The following ARHGEF10L variants were observed in gnomAD, a reference collection of about 807,000 sequenced individuals.
ARHGEF10L encodes the protein Rho guanine nucleotide exchange factor 10 like.
Under a neutral mutation model 141.2 loss-of-function variants are expected in ARHGEF10L, and 69 were observed. That is an observed-to-expected ratio of 0.49 (90% CI 0.40 to 0.60). The LOEUF is 0.60. Among genes scored for constraint, ARHGEF10L ranks in the 20% least tolerant of loss-of-function variants. The probability of loss-of-function intolerance (pLI) is 0.00; values close to 1 mark genes in which losing one functional copy is unlikely to be tolerated. For synonymous variants in ARHGEF10L, 711 were observed against 718.5 expected, an observed-to-expected ratio of 0.99 and a Z score of 0.17; for missense variants, 1,482 against 1,734.3, an observed-to-expected ratio of 0.85 and a Z score of 2.58.
At chr1:17,518,838 AAAGAAG>A in the ARHGEF10L span, among the ~76,000 whole-genome samples, 1 of 112,146 alleles carries the variant, frequency 8.9e-6, no homozygotes, top group Non-Finnish European at 1.9e-5. Flanking sequence ...AAGAAAGAAA[AAAGAAG>A]AAGAACTCAG....
Position 17,656,248 on chromosome 1 carries a change from C to G in ARHGEF10L, c.2705+146C>G. On this transcript the variant is annotated intron_variant, in intron 24 of 28. Transcript: ENST00000361221. This position sits in a 1 kb window ranked among gnomAD's most constrained non-coding sequence, Gnocchi z 4.9. ...CAGGAAGGTGGGCACCAGAGCTGCC[C>G]AGTGTGGGAGCCAAAGTGTCGGGAG... is the stretch of plus-strand genomic sequence containing the variant. 1 of 1,058,674 alleles carries G rather than the reference C, an allele frequency of 9.4e-7. No individual in the cohort carries two copies. Among genetic ancestry groups the G allele is most frequent in the Admixed American group, 2.4e-5 (1 of 41,192 alleles). 65.6% of individuals were successfully genotyped at this position (1,058,674 alleles called of 1,614,324 possible).
At chr1:17,594,634 C>T (rs1283342538) in intron 4 of ARHGEF10L, among the ~76,000 whole-genome samples, 1 of 152,196 alleles carries the variant, frequency 6.6e-6, no homozygotes, top group Non-Finnish European at 1.5e-5. Context: ...AGGCACCCGC[C>T]ACCATGCCCG....
the ARHGEF10L span, among the ~76,000 whole-genome samples, chr1:17,529,360 G>A: frequency 1.3e-5 from 2 of 152,196 alleles, no homozygotes; most frequent in African/African-American, 4.8e-5. Context: ...TGTATCCATG[G>A]GTTGTTCTGG....
intron 26 of ARHGEF10L, among the ~76,000 whole-genome samples, chr1:17,675,833 T>TAC: frequency 6.7e-6 from 1 of 149,114 alleles, no homozygotes; most frequent in Non-Finnish European, 1.5e-5. Context: ...GGTACAGGTG[T>TAC]GTGTTCAGGT....
rs577767113 is a variant in ARHGEF10L, at chr1:17,655,385, C to T, written c.2482-494C>T. ...TTATCTGTCCATCCATCCACCCACC[C>T]ACCCATCCATTCATTCACCGATACA... is the stretch of plus-strand genomic sequence containing the variant. On this transcript the variant is annotated intron_variant, in intron 23 of 28. Transcript: ENST00000361221. Among the ~76,000 whole-genome samples the T allele has an allele frequency of 2.0e-5, 3 of 152,148 alleles. No homozygotes were observed. The East Asian group carries it at 5.8e-4, about 29-fold the overall frequency.
intron 2 of ARHGEF10L, among the ~76,000 whole-genome samples, chr1:17,584,213 T>C (rs2078834837): frequency 6.6e-6 from 1 of 151,914 alleles, no homozygotes; most frequent in Non-Finnish European, 1.5e-5. Flanking sequence ...CCTGGCTAAT[T>C]TTCTCATTTT....
rs150336037 is a variant in ARHGEF10L, at chr1:17,593,266, C to T, written c.257+4787C>T. ...ACAATACTAACAGCCTACACGTGCA[C>T]GGACTTTACAGTTTACATCTCATTT... On this transcript the variant is annotated intron_variant, in intron 4 of 28. Transcript: ENST00000361221. Among the ~76,000 whole-genome samples, 35 of 152,310 alleles carry T rather than the reference C, an allele frequency of 2.3e-4. No individual in the cohort carries two copies. The East Asian group carries it at 5.0e-3, about 22-fold the overall frequency.
rs552645850 is a variant in ARHGEF10L, at chr1:17,603,258, G to C, written c.350-250G>C. On this transcript the variant is annotated intron_variant, in intron 5 of 28. Coordinates refer to ENST00000361221, the MANE Select transcript of ARHGEF10L (RefSeq NM_018125.4). This position sits in a 1 kb window ranked among gnomAD's most constrained non-coding sequence, Gnocchi z 4.8. ...GTCCATTAGCCAGATGGGCAGGCCT[G>C]CGGGCAGCAGGGAGCCAGGTGGGGT... Among the ~76,000 whole-genome samples the C allele has an allele frequency of 6.7e-6, 1 of 149,204 alleles. No homozygotes were observed. Among genetic ancestry groups the C allele is most frequent in the South Asian group, 2.1e-4 (1 of 4,722 alleles).
At chr1:17,670,713 C>T (rs2063268245) in intron 26 of ARHGEF10L, among the ~76,000 whole-genome samples, 1 of 152,216 alleles carries the variant, frequency 6.6e-6, no homozygotes, top group Admixed American at 6.5e-5. Flanking sequence ...GCTATGAATA[C>T]ACATTATGCT....
At chr1:17,540,450 G>T (rs896285764) in intron 1 of ARHGEF10L, among the ~76,000 whole-genome samples, 1 of 152,136 alleles carries the variant, frequency 6.6e-6, no homozygotes, top group Non-Finnish European at 1.5e-5. Flanking sequence ...GAGACTGTGG[G>T]AGGAGAGGAT....
chr1:17,688,974 C>A (rs1049630346), intron 27 of ARHGEF10L, among the ~76,000 whole-genome samples: 5 of 152,134 alleles, frequency 3.3e-5, no homozygotes, highest in African/African-American at 1.2e-4. Flanking sequence ...GCCACCCTGC[C>A]CGGGCCTGAG....
At chr1:17,684,287 CAT>C (rs1415860069) in intron 26 of ARHGEF10L, among the ~76,000 whole-genome samples, 2 of 152,326 alleles carry the variant, frequency 1.3e-5, no homozygotes, top group African/African-American at 4.8e-5. Context: ...AATCATTCTG[CAT>C]GTTTCCTTGA....
rs993663146 is a variant in ARHGEF10L at position 17,573,126 on chromosome 1, C to T, written c.-43-7427C>T. Reference sequence around the variant, plus strand: ...CCTCCCTTTCCCTGCCTGCCTCATCCTCCTGGGGGGCTTTGGGTAGGTCCC... The same window carrying T: ...CCTCCCTTTCCCTGCCTGCCTCATCTTCCTGGGGGGCTTTGGGTAGGTCCC... On this transcript the variant is annotated intron_variant, in intron 1 of 28. Coordinates refer to ENST00000361221, the MANE Select transcript of ARHGEF10L (RefSeq NM_018125.4). The surrounding 1 kb of genome is among the most constrained non-coding windows in gnomAD (Gnocchi z 4.8). 2.6e-4 allele frequency among the ~76,000 whole-genome samples: 39 copies of T among 152,300 alleles called. No individual in the cohort carries two copies. The highest frequency in any genetic ancestry group is 7.9e-4 in the African/African-American group (33 of 41,564).
intron 17 of ARHGEF10L, 76 bp from the exon 18 acceptor site, chr1:17,634,759 G>A (rs1272280379): frequency 2.0e-6 from 3 of 1,495,320 alleles, no homozygotes; most frequent in African/African-American, 1.4e-5. Flanking sequence ...CTGGTGTGGA[G>A]GAGCAATGCC....
At position 17,687,844 on chromosome 1, in the gene ARHGEF10L, A is replaced by G. The variant is rs1305751965; in HGVS notation, c.3184+97A>G. ...TGGGCAGCCCATCCCATTTTCCCTC[A>G]TCAGCCCTGAAAACTGGGGCTTTAA... is the stretch of plus-strand genomic sequence containing the variant. On this transcript the variant is annotated intron_variant, in intron 27 of 28. Coordinates refer to ENST00000361221, the MANE Select transcript of ARHGEF10L (RefSeq NM_018125.4). 2.5e-5 allele frequency: 33 copies of G among 1,319,276 alleles called. No individual in the cohort carries two copies. The East Asian group carries it at 7.1e-4, about 29-fold the overall frequency. 81.7% of individuals were successfully genotyped at this position (1,319,276 alleles called of 1,614,324 possible).
chr1:17,656,201 A>T lies in ARHGEF10L; in HGVS notation c.2705+99A>T. On this transcript the variant is annotated intron_variant, in intron 24 of 28. Transcript: ENST00000361221. This position sits in a 1 kb window ranked among gnomAD's most constrained non-coding sequence, Gnocchi z 4.9. The stretch of plus-strand genomic sequence containing the variant: ...CTTCCGGATCTGCCTGTTGCCCACC[A>T]ACATTCTCTGCCCCTGGTCTCCAGG... 1 of 1,333,880 alleles carries T rather than the reference A, an allele frequency of 7.5e-7. No homozygotes were observed. The highest frequency in any genetic ancestry group is 1.0e-6 in the Non-Finnish European group (1 of 974,700). 82.6% of individuals were successfully genotyped at this position (1,333,880 alleles called of 1,614,324 possible).
intron 21 of ARHGEF10L, 51 bp from the exon 22 acceptor site, chr1:17,648,503 T>C (rs751392082): frequency 1.9e-6 from 3 of 1,599,552 alleles, no homozygotes; most frequent in African/African-American, 1.3e-5. Context: ...CATGGCCCAG[T>C]TGGTCCTTGG....
intron 1 of ARHGEF10L, among the ~76,000 whole-genome samples, chr1:17,576,531 G>A (rs1420164766): frequency 2.0e-5 from 3 of 152,118 alleles, no homozygotes; most frequent in African/African-American, 4.8e-5. Context: ...TTCAGTGTCC[G>A]CCTGTTCCTT....
In ARHGEF10L at chr1:17,676,440, G is replaced by A. The variant is rs557796573; in HGVS notation, c.3010-11133G>A. Among the ~76,000 whole-genome samples, 3 of 150,166 alleles carry A rather than the reference G, an allele frequency of 2.0e-5. No homozygotes were observed. The South Asian group carries it at 6.2e-4, about 31-fold the overall frequency. On this transcript the variant is annotated intron_variant, in intron 26 of 28. Transcript: ENST00000361221. ...TGTAGGTGCAGGCATGGGTGCAGGTGTGGGTGCAGGTGTGGGGTGGTGGAG... is the reference window on the plus strand; with the variant it reads ...TGTAGGTGCAGGCATGGGTGCAGGTATGGGTGCAGGTGTGGGGTGGTGGAG...
Sources: gnomAD v4.1 joint callset for allele counts (sites outside exome capture counted in the v4.1 genomes callset) on GRCh38, gnomAD v4.1.1 for gene constraint, Gnocchi (gnomAD v3.1) non-coding constraint, MANE v1.5 for transcripts, NCBI Gene and HGNC (gene_info 2026-07-23, HGNC 2026-07-21) for gene names.